ATXN10: variants seen among roughly 807,000 people sequenced by gnomAD.
The protein encoded by ATXN10 is ataxin 10.
ATXN10 carries 28 observed loss-of-function variants against 52.9 expected under a neutral mutation model. The ratio of observed to expected loss-of-function variants is 0.53; its 90% CI spans 0.39 to 0.73. The LOEUF (loss-of-function observed/expected upper bound fraction) is 0.73, where lower values mean the gene tolerates loss of function less well. Ranked by LOEUF, ATXN10 falls within the 30% of genes least tolerant of loss-of-function variation. The pLI is 0.00. For synonymous variants in ATXN10, 226 were observed against 221.5 expected (o/e 1.02, Z -0.18); for missense variants, 565 against 577.0 (o/e 0.98, Z 0.21).
In ATXN10 at chr22:45,738,698, A is replaced by G. The variant is rs769528031; in HGVS notation, c.895-33A>G. 3.3e-6 allele frequency: 5 copies of G among 1,525,246 alleles called. No homozygotes were observed. The East Asian group carries it at 6.7e-5, about 21-fold the overall frequency. 94.5% of individuals were successfully genotyped at this position (1,525,246 alleles called of 1,614,324 possible). ...ACAGTTAAATAATTTCTCTTAAAAT[A>G]TGCTAAAAAGTTATGTTTTCTTTTC... On this transcript the variant is annotated intron_variant, in intron 7 of 11. Transcript: ENST00000252934.
rs1929362892 is a variant in ATXN10, at chr22:45,842,106, G to T, written c.1238-885G>T. ...TCCCTGGATCAGGGTGCCAGGCCCA[G>T]TAGGGACACAGCCTCTCTTGGCAGT... On this transcript the variant is annotated intron_variant, in intron 10 of 11. Transcript: ENST00000252934. The surrounding 1 kb of genome is among the most constrained non-coding windows in gnomAD (Gnocchi z 4.8). Among the ~76,000 whole-genome samples, 1 of 152,204 alleles carries T rather than the reference G, an allele frequency of 6.6e-6. No homozygotes were observed. The highest frequency in any genetic ancestry group is 2.4e-5 in the African/African-American group (1 of 41,440).
At chr22:45,691,611 C>T (rs1923379498) in intron 2 of ATXN10, among the ~76,000 whole-genome samples, 1 of 152,202 alleles carries the variant, frequency 6.6e-6, no homozygotes, top group African/African-American at 2.4e-5. Context: ...CAAAAGCAGT[C>T]TGGGCCAGGC....
At position 45,823,467 on chromosome 22, in the gene ATXN10, C is replaced by T. The variant is rs1303289432; in HGVS notation, c.1237+16445C>T. ...TCCCCTGCGATTATGCAGTTGTTTCCGTTTCAGTATTTAAAAACCTTCATT... is the reference window on the plus strand; with the variant it reads ...TCCCCTGCGATTATGCAGTTGTTTCTGTTTCAGTATTTAAAAACCTTCATT... On this transcript the variant is annotated intron_variant, in intron 10 of 11. Transcript: ENST00000252934. This position sits in a 1 kb window ranked among gnomAD's most constrained non-coding sequence, Gnocchi z 4.9. Among the ~76,000 whole-genome samples, 1 of 151,960 alleles carries T rather than the reference C, an allele frequency of 6.6e-6. No individual in the cohort carries two copies. Among genetic ancestry groups the T allele is most frequent in the Non-Finnish European group, 1.5e-5 (1 of 68,024 alleles).
rs1923320426 is a variant in ATXN10 at position 45,690,283 on chromosome 22, A to G, written c.308+380A>G. ...ATTGTGAGACCCTGTCTCAGGGAAA[A>G]AAAAAAAAAAAAAGTTGTTCTGGCA... On this transcript the variant is annotated intron_variant, in intron 2 of 11. Coordinates refer to ENST00000252934, the MANE Select transcript of ATXN10 (RefSeq NM_013236.4). This position sits in a 1 kb window ranked among gnomAD's most constrained non-coding sequence, Gnocchi z 4.5. Among the ~76,000 whole-genome samples, 1 of 151,946 alleles carries G rather than the reference A, an allele frequency of 6.6e-6. No individual in the cohort carries two copies. The highest frequency in any genetic ancestry group is 1.5e-5 in the Non-Finnish European group (1 of 67,966).
intron 9 of ATXN10, among the ~76,000 whole-genome samples, chr22:45,753,152 T>C (rs1645977795): frequency 2.0e-5 from 3 of 151,970 alleles, no homozygotes; most frequent in African/African-American, 7.2e-5. Flanking sequence ...TCATTTGTTC[T>C]CTCTCATTTC....
intron 4 of ATXN10, 29 bp from the exon 5 acceptor site, chr22:45,702,660 G>T (rs1923883918): frequency 6.2e-7 from 1 of 1,612,432 alleles, no homozygotes; most frequent in African/African-American, 1.3e-5. Flanking sequence ...ACTAAATTGG[G>T]CTAACAATCT....
chr22:45,680,287 C>T (rs1922867557), intron 1 of ATXN10, among the ~76,000 whole-genome samples: 1 of 152,166 alleles, frequency 6.6e-6, no homozygotes, highest in Admixed American at 6.5e-5. Flanking sequence ...TTGTCATCAT[C>T]ATCATCAATG....
At position 45,692,984 on chromosome 22, in the gene ATXN10, T is replaced by A. The variant is rs552503406; in HGVS notation, c.309-12T>A. The A allele has an allele frequency of 2.5e-6, 4 of 1,613,798 alleles. No homozygotes were observed. The African/African-American group carries it at 5.3e-5, about 22-fold the overall frequency. ...TGAACATGTCTAATTTTGTCTTTTTTAAAAAACCCAGGAACTTGGATACGA... is the reference window on the plus strand; with the variant it reads ...TGAACATGTCTAATTTTGTCTTTTTAAAAAAACCCAGGAACTTGGATACGA... On this transcript the variant is annotated splice_polypyrimidine_tract_variant and intron_variant, in intron 2 of 11. Coordinates refer to ENST00000252934, the MANE Select transcript of ATXN10 (RefSeq NM_013236.4).
chr22:45,682,066 C>G (rs965033854), intron 1 of ATXN10, among the ~76,000 whole-genome samples: 6 of 152,116 alleles, frequency 3.9e-5, no homozygotes, highest in Admixed American at 6.5e-5. Flanking sequence ...TTCTCTCCCC[C>G]CTTAAAAATC....
At position 45,729,568 on chromosome 22, in the gene ATXN10, C is replaced by G; in HGVS notation, c.872C>G (p.Ser291Cys). The change falls in exon 7 of 12, where the codon TCT becomes TGT. Residue 291 changes from serine to cysteine, a missense_variant. Transcript: ENST00000252934. ...TGCAAGACTGTGCTCAAGCTGGCCT[C>G]TGAGGAGCCTCCTGATGATGAGGTA... Reference protein sequence around the residue: ...DQCKTVLKLASEEPPDDEEAL... With the variant: ...DQCKTVLKLACEEPPDDEEAL... 6.2e-7 allele frequency: 1 copy of G among 1,614,114 alleles called. No homozygotes were observed. Among genetic ancestry groups the G allele is most frequent in the Non-Finnish European group, 8.5e-7 (1 of 1,180,022 alleles).
chr22:45,771,959 TTG>T (rs1306549172), intron 9 of ATXN10, among the ~76,000 whole-genome samples: 1 of 152,220 alleles, frequency 6.6e-6, no homozygotes, highest in African/African-American at 2.4e-5. Flanking sequence ...TGAGCATTCT[TTG>T]TGTATTCTGG....
intron 10 of ATXN10, among the ~76,000 whole-genome samples, chr22:45,831,122 C>T (rs912542311): frequency 4.6e-5 from 7 of 152,122 alleles, no homozygotes; most frequent in African/African-American, 1.7e-4. Flanking sequence ...ACCGTGTCAG[C>T]TTATTTATAA....
chr22:45,787,395 G>A lies in ATXN10; in HGVS notation c.1174-19564G>A, dbSNP rs1927356826. ...TCCGTCTACCGCTGTGTCTTGATCT[G>A]CCTCCTGGCCCCTTTTCCCTCAAGG... On this transcript the variant is annotated intron_variant, in intron 9 of 11. Transcript: ENST00000252934. This position sits in a 1 kb window ranked among gnomAD's most constrained non-coding sequence, Gnocchi z 4.2. Among the ~76,000 whole-genome samples, 1 of 152,096 alleles carries A rather than the reference G, an allele frequency of 6.6e-6. No homozygotes were observed. Among genetic ancestry groups the A allele is most frequent in the African/African-American group, 2.4e-5 (1 of 41,402 alleles).
chr22:45,843,749 A>C lies in ATXN10; in HGVS notation c.*78A>C. 7.1e-7 allele frequency: 1 copy of C among 1,400,528 alleles called. No individual in the cohort carries two copies. The highest frequency in any genetic ancestry group is 1.0e-6 in the Non-Finnish European group (1 of 994,424). 86.8% of individuals were successfully genotyped at this position (1,400,528 alleles called of 1,614,324 possible). A position where few individuals can be genotyped will look rare whatever the true frequency, so the allele number is the denominator to read the frequency against. ...ATCTTCTACCGTATGTGAAATTGCA[A>C]GTGTTTGAAGATTTATAAGTACAAA... On this transcript the variant is annotated 3_prime_UTR_variant, in exon 12 of 12. Transcript: ENST00000252934. This position sits in a 1 kb window ranked among gnomAD's most constrained non-coding sequence, Gnocchi z 4.5.
intron 5 of ATXN10, among the ~76,000 whole-genome samples, chr22:45,707,638 A>G (rs997257282): frequency 1.3e-5 from 2 of 148,952 alleles, no homozygotes; most frequent in African/African-American, 4.9e-5. Flanking sequence ...TCTGTTTAAT[A>G]TAATATAATA....
At chr22:45,793,750 T>C in intron 9 of ATXN10, 1 of 1,426,732 alleles carries the variant, frequency 7.0e-7, no homozygotes, top group Non-Finnish European at 9.2e-7. Flanking sequence ...CACCCCCGAT[T>C]CCTGCCTTTC....
In ATXN10 at chr22:45,750,063, C is replaced by T. The variant is rs372460736; in HGVS notation, c.1173+9525C>T. Among the ~76,000 whole-genome samples the T allele has an allele frequency of 2.0e-5, 3 of 152,014 alleles. No homozygotes were observed. The highest frequency in any genetic ancestry group is 4.1e-4 in the South Asian group (2 of 4,820). On this transcript the variant is annotated intron_variant, in intron 9 of 11. Coordinates refer to ENST00000252934, the MANE Select transcript of ATXN10 (RefSeq NM_013236.4). This position sits in a 1 kb window ranked among gnomAD's most constrained non-coding sequence, Gnocchi z 4.2. ...ACTGCTACTCAGTTTTCTTTACTTA[C>T]GCCATATGATCAATTTTTAGATAAC...
At position 45,844,761 on chromosome 22, in the gene ATXN10, A is replaced by T. The variant is rs1381224751; in HGVS notation, c.*1090A>T. 3 of 152,218 alleles carry T rather than the reference A, an allele frequency of 2.0e-5. No homozygotes were observed. Among genetic ancestry groups the T allele is most frequent in the Non-Finnish European group, 4.4e-5 (3 of 68,032 alleles). 9.4% of individuals were successfully genotyped at this position (152,218 alleles called of 1,614,324 possible). A position where few individuals can be genotyped will look rare whatever the true frequency, so the allele number is the denominator to read the frequency against. On this transcript the variant is annotated 3_prime_UTR_variant, in exon 12 of 12. Coordinates refer to ENST00000252934, the MANE Select transcript of ATXN10 (RefSeq NM_013236.4). ...TATCGCTAAACTAATATATCCAGAG[A>T]TTTTGCACAATTCGTGTTGAACCTT...
intron 9 of ATXN10, among the ~76,000 whole-genome samples, chr22:45,743,014 A>G (rs534218860): frequency 9.6e-4 from 146 of 152,304 alleles, no homozygotes; most frequent in African/African-American, 3.4e-3. Flanking sequence ...AAATGCAGTA[A>G]CCCTTAAAAG....
Sources: gnomAD v4.1 joint callset for allele counts (sites outside exome capture counted in the v4.1 genomes callset) on GRCh38, gnomAD v4.1.1 for gene constraint, Gnocchi (gnomAD v3.1) non-coding constraint, MANE v1.5 for transcripts, NCBI Gene and HGNC (gene_info 2026-07-23, HGNC 2026-07-21) for gene names.